Variants in ANKAR observed in about 807,000 individuals in gnomAD.
The protein encoded by ANKAR is ankyrin and armadillo repeat-containing protein.
In ANKAR, 136 loss-of-function variants were observed where a neutral mutation model predicts 146.2. That is an observed-to-expected ratio of 0.93 (90% CI 0.81 to 1.07). The LOEUF (loss-of-function observed/expected upper bound fraction) is 1.07. Among genes scored for constraint, ANKAR ranks in the 50% least tolerant of loss-of-function variants. The pLI is 0.00. For missense variants in ANKAR, 1,567 were observed against 1,679.9 expected (o/e 0.93, Z 1.18); for synonymous variants, 500 against 575.8 (o/e 0.87, Z 1.88).
intron 9 of ANKAR, 129 bp downstream of exon 9, chr2:189,707,275 T>C (rs1331909533): frequency 6.6e-6 from 3 of 455,146 alleles, no homozygotes; most frequent in Non-Finnish European, 1.1e-5. Flanking sequence ...GAAATAAACA[T>C]TTTATTAAGA....
rs773004055 is a variant in ANKAR, at chr2:189,719,576, C to T, written c.2229C>T (p.Thr743=). ...TTTTTGCTCTTGTCATTACAGGCAC[C>T]ATTCCTGCCTTAATCAATCTATTAA... is the stretch of plus-strand genomic sequence containing the variant. ...QYWRCILDAG[T]IPALINLLKS... is the part of the protein sequence containing the mutation. The change falls in exon 11 of 23, where the codon ACC becomes ACT. Residue 743 remains threonine, a synonymous_variant. Transcript: ENST00000684021. 6.3e-7 allele frequency: 1 copy of T among 1,596,382 alleles called. No individual in the cohort carries two copies. The highest frequency in any genetic ancestry group is 8.6e-7 in the Non-Finnish European group (1 of 1,166,872).
chr2:189,692,466 A>C, intron 4 of ANKAR, 48 bp downstream of exon 4: 27 of 1,542,424 alleles, frequency 1.8e-5, no homozygotes, highest in Non-Finnish European at 2.3e-5. Flanking sequence ...CAACTCTTTT[A>C]TCCTATTCTC....
chr2:189,757,198 G>C (rs1559171786), intron 18 of ANKAR, among the ~76,000 whole-genome samples: 1 of 152,178 alleles, frequency 6.6e-6, no homozygotes, highest in Non-Finnish European at 1.5e-5. Flanking sequence ...GACAATAAGG[G>C]ATTGAACTCA....
At chr2:189,696,854 G>C (rs2037285781) in intron 7 of ANKAR, among the ~76,000 whole-genome samples, 1 of 152,048 alleles carries the variant, frequency 6.6e-6, no homozygotes, top group Non-Finnish European at 1.5e-5. Context: ...TCCTCAAACA[G>C]GGAATAGTTT....
At chr2:189,700,689 C>G (rs1281904776) in intron 7 of ANKAR, among the ~76,000 whole-genome samples, 3 of 152,204 alleles carry the variant, frequency 2.0e-5, no homozygotes, top group Non-Finnish European at 4.4e-5. Context: ...CCCCACTACC[C>G]TTCCCAGCCT....
chr2:189,687,257 C>T (rs973200371), intron 2 of ANKAR, among the ~76,000 whole-genome samples: 1 of 152,026 alleles, frequency 6.6e-6, no homozygotes, highest in Non-Finnish European at 1.5e-5. Context: ...TTTCATTTAA[C>T]ATAATGTCCT....
rs777516459 is a variant in ANKAR, at chr2:189,727,523, C to CAAAAAAAA, written c.2636-317_2636-310dup. 6.8e-5 allele frequency among the ~76,000 whole-genome samples: 4 copies of CAAAAAAAA among 58,904 alleles called. 1 individual carries two copies. Among genetic ancestry groups the CAAAAAAAA allele is most frequent in the African/African-American group, 7.4e-5 (1 of 13,446 alleles). 38.6% of individuals were successfully genotyped at this position (58,904 alleles called of 152,430 possible). ...TGGGTGATAGAGCCAAACCTTGTCTCAAAAAAAAAAAAAAAAAAAAAAAGG... is the reference window on the plus strand; with the variant it reads ...TGGGTGATAGAGCCAAACCTTGTCTCAAAAAAAAAAAAAAAAAAAAAAAAAAAAAAAGG... On this transcript the variant is annotated intron_variant, in intron 12 of 22. Coordinates refer to ENST00000684021, the MANE Select transcript of ANKAR (RefSeq NM_001378068.1).
At chr2:189,702,868 C>T (rs140329728) in intron 7 of ANKAR, among the ~76,000 whole-genome samples, 114 of 152,130 alleles carry the variant, frequency 7.5e-4, no homozygotes, top group African/African-American at 2.7e-3. Context: ...TTAGCTAGAT[C>T]GGTAAGGGAG....
At chr2:189,684,829 CAAAAAAAA>C (rs71023709) in intron 2 of ANKAR, among the ~76,000 whole-genome samples, 3 of 108,054 alleles carry the variant, frequency 2.8e-5, no homozygotes, top group East Asian at 5.4e-4. Flanking sequence ...GACCCTGTCT[CAAAAAAAA>C]AAAAAAAAAA....
chr2:189,731,376 CTTTTTTT>C (rs71023714), intron 16 of ANKAR, among the ~76,000 whole-genome samples: 1 of 137,396 alleles, frequency 7.3e-6, no homozygotes, highest in South Asian at 2.2e-4. Flanking sequence ...TTTCTTTTTT[CTTTTTTT>C]TTTTTTTTGA....
intron 20 of ANKAR, among the ~76,000 whole-genome samples, chr2:189,742,975 CACA>C (rs2043590385): frequency 8.2e-6 from 1 of 122,294 alleles, no homozygotes; most frequent in Non-Finnish European, 1.7e-5. Flanking sequence ...CACACACACA[CACA>C]CACCCCTGAA....
At chr2:189,700,594 T>G (rs1297130819) in intron 7 of ANKAR, among the ~76,000 whole-genome samples, 1 of 152,224 alleles carries the variant, frequency 6.6e-6, no homozygotes, top group Non-Finnish European at 1.5e-5. Flanking sequence ...ATTAATTTTT[T>G]TTACTATAGT....
At chr2:189,697,653 A>G (rs2037417953) in intron 7 of ANKAR, among the ~76,000 whole-genome samples, 1 of 152,164 alleles carries the variant, frequency 6.6e-6, no homozygotes, top group Non-Finnish European at 1.5e-5. Flanking sequence ...AGGTAACACT[A>G]TTTAAAGATG....
downstream of ANKAR, among the ~76,000 whole-genome samples, chr2:189,762,101 G>T (rs191729284): frequency 1.4e-3 from 214 of 152,216 alleles, 1 homozygote; most frequent in Non-Finnish European, 7.9e-4. Flanking sequence ...AAATAAAACT[G>T]GATCATTTGG....
At chr2:189,701,028 T>C (rs2037982296) in intron 7 of ANKAR, among the ~76,000 whole-genome samples, 1 of 152,222 alleles carries the variant, frequency 6.6e-6, no homozygotes, top group African/African-American at 2.4e-5. Context: ...TTTGTTTTTC[T>C]GTAATTTGAA....
chr2:189,708,992 C>T (rs1274943862), intron 9 of ANKAR, among the ~76,000 whole-genome samples: 1 of 152,086 alleles, frequency 6.6e-6, no homozygotes, highest in East Asian at 1.9e-4. Context: ...GTCCTAGCTC[C>T]TCGGGAGGCT....
At chr2:189,754,080 G>C (rs376427339) in intron 18 of ANKAR, 2 of 1,611,736 alleles carry the variant, frequency 1.2e-6, no homozygotes, top group Non-Finnish European at 1.7e-6. Context: ...GAAATGAGCA[G>C]CTATTTTTAG....
intron 12 of ANKAR, 75 bp downstream of exon 12, chr2:189,720,862 C>G: frequency 8.3e-7 from 1 of 1,201,678 alleles, no homozygotes; most frequent in Admixed American, 3.0e-5. Context: ...TGGACTTGTC[C>G]TATATGAATA....
intron 10 of ANKAR, among the ~76,000 whole-genome samples, 174 bp from the exon 11 acceptor site, chr2:189,719,398 A>T (rs2040974882): frequency 6.6e-6 from 1 of 152,232 alleles, no homozygotes; most frequent in Admixed American, 6.5e-5. Context: ...GACAAGATGG[A>T]AGGTTTCTTC....
Sources: allele counts gnomAD v4.1 joint callset (sites outside exome capture counted in the v4.1 genomes callset), GRCh38; gene constraint gnomAD v4.1.1; transcripts MANE v1.5; gene names NCBI Gene and HGNC (gene_info 2026-07-23, HGNC 2026-07-21).